The following MYO15A variants were observed in gnomAD, a reference collection of about 807,000 sequenced individuals.
The protein encoded by MYO15A is unconventional myosin-XV.
In MYO15A, 308 loss-of-function variants were observed where a neutral mutation model predicts 394.6. The ratio of observed to expected loss-of-function variants is 0.78; its 90% confidence interval spans 0.71 to 0.86. The LOEUF is 0.86. Ranked by LOEUF, MYO15A falls within the 40% of genes least tolerant of loss-of-function variation. The pLI is 0.00. For synonymous variants in MYO15A, 1,957 were observed against 2,003.8 expected, an observed-to-expected ratio of 0.98 and a Z score of 0.62; for missense variants, 4,606 against 4,799.1, an observed-to-expected ratio of 0.96 and a Z score of 1.19.
intron 11 of MYO15A, 108 bp from the exon 12 acceptor site, chr17:18,133,117 T>C (rs1038037727): frequency 3.7e-5 from 43 of 1,159,512 alleles, no homozygotes; most frequent in Non-Finnish European, 4.8e-5. Flanking sequence ...AATGACAGCT[T>C]GAGTGACCAA....
At chr17:18,175,765 C>A (rs953916427) in intron 65 of MYO15A, among the ~76,000 whole-genome samples, 4 of 152,170 alleles carry the variant, frequency 2.6e-5, no homozygotes, top group African/African-American at 9.7e-5. Flanking sequence ...GACCAACAGT[C>A]CTCTCCAGCT....
chr17:18,109,408 A>C (rs1597737797), intron 1 of MYO15A: 1 of 174,822 alleles, frequency 5.7e-6, no homozygotes, highest in East Asian at 1.2e-4. Context: ...CAGGGCAGGC[A>C]CTGCGGCTCT....
chr17:18,116,133 G>A (rs1378520507), intron 1 of MYO15A, among the ~76,000 whole-genome samples: 1 of 152,214 alleles, frequency 6.6e-6, no homozygotes, highest in Non-Finnish European at 1.5e-5. Flanking sequence ...GGACCCTTAG[G>A]GAAAGGGGCC....
chr17:18,154,140 C>T lies in MYO15A; in HGVS notation c.8098C>T (p.Pro2700Ser), dbSNP rs771854416. The T allele has an allele frequency of 1.9e-6, 3 of 1,614,060 alleles. 1 individual carries two copies. The highest frequency in any genetic ancestry group is 2.2e-5 in the South Asian group (2 of 91,092). Residue 2700 changes from proline (P) to serine (S), a missense_variant, in exon 44 of 66, where the codon CCC becomes TCC. Physicochemically the swap from Pro to Ser is moderately conservative, Grantham distance 74. Transcript: ENST00000647165. ...KIFLRKEVFY[P>S]KDSYSHPVQL... The stretch of plus-strand genomic sequence containing the variant: ...AGCCCCGCCCCTGCAGGTGTTTTAC[C>T]CCAAGGACAGCTACAGCCATCCTGT...
At position 18,150,526 on chromosome 17, in the gene MYO15A, C is replaced by A; in HGVS notation, c.7310C>A (p.Pro2437His). Residue 2437 changes from proline to histidine, a missense_variant, in exon 36 of 66, where the codon CCC (proline) becomes CAC (histidine). Around this residue, in one of 2 missense-constraint regions of MYO15A, gnomAD observed 2,776 missense variants for 3,109.3 expected, o/e 0.89. Coordinates refer to ENST00000647165, the MANE Select transcript of MYO15A (RefSeq NM_016239.4). The surrounding 1 kb of genome is among the most constrained non-coding windows in gnomAD (Gnocchi z 4.4). ...SSGTEDTPRRPPEPKPIPGLD... is the reference protein window; with the variant it reads ...SSGTEDTPRRHPEPKPIPGLD... ...GGTACTGAAGACACCCCCAGGAGAC[C>A]CCCAGAGCCAAAGCCAAGTCAGTGC... is the stretch of plus-strand genomic sequence containing the variant. The A allele has an allele frequency of 6.2e-7, 1 of 1,614,146 alleles. No individual in the cohort carries two copies. Among genetic ancestry groups the A allele is most frequent in the South Asian group, 1.1e-5 (1 of 91,086 alleles).
chr17:18,139,998 G>A (rs2046350068), intron 19 of MYO15A, among the ~76,000 whole-genome samples: 1 of 152,142 alleles, frequency 6.6e-6, no homozygotes, highest in African/African-American at 2.4e-5. Flanking sequence ...CCCACCTCCT[G>A]GTGTTCTCAG....
intron 6 of MYO15A, 64 bp from the exon 7 acceptor site, chr17:18,127,011 A>T: frequency 1.2e-6 from 2 of 1,604,526 alleles, no homozygotes; most frequent in Non-Finnish European, 1.7e-6. Context: ...TCATGATGGG[A>T]GTCAGGGTGC....
In MYO15A at chr17:18,150,512, C is replaced by T; in HGVS notation, c.7296C>T (p.Asp2432=). Residue 2432 remains aspartate, a synonymous_variant, in exon 36 of 66, where the codon GAC becomes GAT. Transcript: ENST00000647165. This position sits in a 1 kb window ranked among gnomAD's most constrained non-coding sequence, Gnocchi z 4.4. The part of the protein sequence containing the change: ...PGGGSSSGTE[D]TPRRPPEPKP... ...GAGGCAGCAGTAGTGGTACTGAAGA[C>T]ACCCCCAGGAGACCCCCAGAGCCAA... 1 of 1,614,198 alleles carries T rather than the reference C, an allele frequency of 6.2e-7. No homozygotes were observed.
In MYO15A at chr17:18,122,105, A is replaced by T; in HGVS notation, c.3305A>T (p.Lys1102Met). The change falls in exon 2 of 66, where the codon AAG becomes ATG. Residue 1102 changes from lysine (K) to methionine (M), a missense_variant. Transcript: ENST00000647165. ...APIRAPEPLP[K>M]GGERRQAAPG... ...ATCAGGGCCCCAGAGCCCCTGCCCA[A>T]GGGGGGTGAACGGCGCCAGGCAGCC... The T allele has an allele frequency of 6.2e-6, 10 of 1,612,822 alleles. No homozygotes were observed. The highest frequency in any genetic ancestry group is 8.5e-6 in the Non-Finnish European group (10 of 1,179,960).
chr17:18,176,783 G>A (rs144238360), intron 65 of MYO15A: 2,642 of 151,890 alleles, frequency 0.017, 55 homozygotes, highest in African/African-American at 0.05. Context: ...TGATCCACCC[G>A]CCTTGGCCTC....
In MYO15A at chr17:18,142,232, C is replaced by T. The variant is rs200041829; in HGVS notation, c.5803C>T (p.Arg1935Trp). The part of the protein sequence containing the change: ...LRHKIILLQS[R>W]ARGYLARQRY... ...CCACAAGATCATCCTGCTGCAAAGC[C>T]GGGCCCGTGGCTACCTTGCCAGGTG... is the stretch of plus-strand genomic sequence containing the variant. Residue 1935 changes from arginine (R) to tryptophan (W), a missense_variant, in exon 24 of 66, where the codon CGG (arginine) becomes TGG (tryptophan). Arg to Trp is a moderately radical substitution (Grantham distance 101, BLOSUM62 -3). Transcript: ENST00000647165. 9 of 1,613,056 alleles carry T rather than the reference C, an allele frequency of 5.6e-6. No individual in the cohort carries two copies. The highest frequency in any genetic ancestry group is 5.1e-6 in the Non-Finnish European group (6 of 1,179,936).
chr17:18,109,403 CA>C, intron 1 of MYO15A: 1 of 174,592 alleles, frequency 5.7e-6, no homozygotes, highest in Admixed American at 5.3e-5. Context: ...TGGATCAGGG[CA>C]GGCACTGCGG....
In MYO15A at chr17:18,132,574, C is replaced by A. The variant is rs2142304422; in HGVS notation, c.4320+8C>A. Reference sequence around the variant, plus strand: ...TACTACTATCTGAACCAGGTGAGTGCCAGCAGGCATCTGAAGGCCCCTGGC... The same window carrying A: ...TACTACTATCTGAACCAGGTGAGTGACAGCAGGCATCTGAAGGCCCCTGGC... On this transcript the variant is annotated splice_region_variant and intron_variant, in intron 11 of 65. Coordinates refer to ENST00000647165, the MANE Select transcript of MYO15A (RefSeq NM_016239.4). The surrounding 1 kb of genome is among the most constrained non-coding windows in gnomAD (Gnocchi z 4.6). The A allele has an allele frequency of 6.2e-7, 1 of 1,607,600 alleles. No homozygotes were observed. The highest frequency in any genetic ancestry group is 1.7e-5 in the Admixed American group (1 of 60,026).
chr17:18,118,809 G>C lies in MYO15A; in HGVS notation c.9G>C (p.Lys3Asn), dbSNP rs765264486. The C allele has an allele frequency of 6.2e-7, 1 of 1,608,886 alleles. No individual in the cohort carries two copies. Among genetic ancestry groups the C allele is most frequent in the South Asian group, 1.1e-5 (1 of 90,144 alleles). ...GAGAGCAGGCAGCCACCATGGCGAA[G>C]GAGGAAGATGAGGAGAAGAAAGCCA... MA[K>N]EEDEEKKAKK... Residue 3 changes from lysine to asparagine, a missense_variant, in exon 2 of 66, where the codon AAG (lysine) becomes AAC (asparagine). Physicochemically the swap from Lys to Asn is moderately conservative, Grantham distance 94 (BLOSUM62 0). Around this residue, in one of 2 missense-constraint regions of MYO15A, gnomAD observed 1,830 missense variants for 1,689.7 expected, o/e 1.08. Coordinates refer to ENST00000647165, the MANE Select transcript of MYO15A (RefSeq NM_016239.4).
intron 26 of MYO15A, 23 bp downstream of exon 26, chr17:18,143,642 G>T (rs1308900788): frequency 6.4e-7 from 1 of 1,568,008 alleles, no homozygotes; most frequent in Non-Finnish European, 8.7e-7. Flanking sequence ...CTGGGTGGCA[G>T]CAGGGCCAAG....
At position 18,179,010 on chromosome 17, in the gene MYO15A, C is replaced by T; in HGVS notation, c.*140C>T. ...CACTAAGAGGAGGCAGGAGGAGCAA[C>T]TCAAATCCCCAAGAACACAAGAAGA... On this transcript the variant is annotated 3_prime_UTR_variant, in exon 66 of 66. Transcript: ENST00000647165. 1.2e-6 allele frequency: 1 copy of T among 819,462 alleles called. No individual in the cohort carries two copies. Among genetic ancestry groups the T allele is most frequent in the East Asian group, 2.7e-5 (1 of 37,532 alleles). 50.8% of individuals were successfully genotyped at this position (819,462 alleles called of 1,614,324 possible). A position where few individuals can be genotyped will look rare whatever the true frequency, so the allele number is the denominator to read the frequency against.
In MYO15A at chr17:18,138,124, A is replaced by G. The variant is rs373878003; in HGVS notation, c.4885A>G (p.Ile1629Val). 3.1e-5 allele frequency: 50 copies of G among 1,611,770 alleles called. No homozygotes were observed. The highest frequency in any genetic ancestry group is 3.4e-5 in the Non-Finnish European group (40 of 1,180,024). The change falls in exon 17 of 66, where the codon ATC becomes GTC. Residue 1629 changes from isoleucine (I) to valine (V), a missense_variant. Ile to Val is a conservative substitution (Grantham distance 29). Transcript: ENST00000647165. Reference protein sequence around the residue: ...IVFQEEQEEYIREQIDWQEIT... With the variant: ...IVFQEEQEEYVREQIDWQEIT... The stretch of plus-strand genomic sequence containing the variant: ...TGCCCACTGCCTGCAGGAGGAGTAC[A>G]TCCGTGAGCAGATAGACTGGCAGGA...
At chr17:18,169,153 AT>A (rs1261230285) in intron 62 of MYO15A, among the ~76,000 whole-genome samples, 353 of 99,454 alleles carry the variant, frequency 3.5e-3, no homozygotes, top group Non-Finnish European at 6.2e-3. Context: ...AATAATAATA[AT>A]AATAAAAATA....
intron 29 of MYO15A, among the ~76,000 whole-genome samples, chr17:18,144,902 T>C (rs954202250): frequency 2.0e-5 from 3 of 148,480 alleles, no homozygotes; most frequent in Non-Finnish European, 4.5e-5. Context: ...GGAGGCAGAG[T>C]TGACCCAGCC....
Sources: allele counts gnomAD v4.1 joint callset (sites outside exome capture counted in the v4.1 genomes callset), GRCh38; gene constraint gnomAD v4.1.1; regional missense constraint gnomAD v4.1.1; non-coding constraint Gnocchi (gnomAD v3.1); transcripts MANE v1.5; gene names NCBI Gene and HGNC (gene_info 2026-07-23, HGNC 2026-07-21).